MICAL3: variants seen among roughly 807,000 people sequenced by gnomAD.
The protein encoded by MICAL3 is microtubule associated monooxygenase, calponin and LIM domain containing 3, also known as [F-actin]-monooxygenase MICAL3.
MICAL3 carries 62 observed loss-of-function variants against 207.4 expected under a neutral mutation model. The observed-to-expected ratio is 0.30, with a 90% CI of 0.24 to 0.37. The LOEUF is 0.37. Among genes scored for constraint, MICAL3 ranks in the 10% least tolerant of loss-of-function variants. The pLI, the probability that MICAL3 is intolerant of heterozygous loss-of-function variation, is 1.00. For synonymous variants in MICAL3, 1,077 were observed against 1,069.3 expected, an observed-to-expected ratio of 1.01 and a Z score of -0.14; for missense variants, 2,368 against 2,635.6, an observed-to-expected ratio of 0.90 and a Z score of 2.22.
chr22:17,845,819 G>GT (rs1924577506), intron 19 of MICAL3, among the ~76,000 whole-genome samples: 1 of 152,184 alleles, frequency 6.6e-6, no homozygotes, highest in Non-Finnish European at 1.5e-5. Context: ...CCTCCCCACT[G>GT]TAATTTTCTA....
intron 17 of MICAL3, among the ~76,000 whole-genome samples, chr22:17,867,998 A>G (rs1381300566): frequency 6.6e-6 from 1 of 152,212 alleles, no homozygotes. Context: ...TCCTAAACTA[A>G]TAAAGAAAAG....
intron 1 of MICAL3, among the ~76,000 whole-genome samples, chr22:17,974,130 G>C (rs539804483): frequency 6.6e-6 from 1 of 152,248 alleles, no homozygotes; most frequent in East Asian, 1.9e-4. Flanking sequence ...CTGGCTCCCA[G>C]GGTGAACACA....
intron 3 of MICAL3, among the ~76,000 whole-genome samples, 163 bp downstream of exon 3, chr22:17,904,469 G>A (rs1221024250): frequency 6.6e-6 from 1 of 152,228 alleles, no homozygotes; most frequent in African/African-American, 2.4e-5. Context: ...CATAGCAGGT[G>A]TTTTTACTTC....
chr22:17,935,159 C>T (rs1035350740), intron 1 of MICAL3, among the ~76,000 whole-genome samples: 3 of 152,110 alleles, frequency 2.0e-5, no homozygotes, highest in South Asian at 2.1e-4. Context: ...GGAGGGATCA[C>T]GCTATCTGAC....
intron 19 of MICAL3, chr22:17,862,219 A>G (rs549927518): frequency 1.0e-6 from 1 of 985,148 alleles, no homozygotes; most frequent in Non-Finnish European, 1.2e-6. Flanking sequence ...TCTCTACAAC[A>G]TACATTCTGG....
chr22:17,792,887 C>A (rs1034201250), intron 29 of MICAL3, among the ~76,000 whole-genome samples: 15 of 152,236 alleles, frequency 9.9e-5, no homozygotes, highest in Non-Finnish European at 2.2e-4. Flanking sequence ...TTTAAGCCAG[C>A]CCCCACTCAG....
intron 1 of MICAL3, among the ~76,000 whole-genome samples, chr22:17,956,712 G>A (rs117031826): frequency 6.6e-5 from 10 of 152,296 alleles, no homozygotes; most frequent in African/African-American, 9.6e-5. Context: ...GGAGAGCTGC[G>A]AGGACAGCCA....
At chr22:17,866,058 G>T in intron 17 of MICAL3, 46 bp from the exon 18 acceptor site, 1 of 1,402,872 alleles carries the variant, frequency 7.1e-7, no homozygotes, top group Non-Finnish European at 1.0e-6. Context: ...GCCAGGCACG[G>T]ATCCTGAACG....
chr22:17,904,777 C>G lies in MICAL3; in HGVS notation c.327G>C (p.Gly109=), dbSNP rs1931596137. The G allele has an allele frequency of 3.1e-6, 5 of 1,613,860 alleles. No individual in the cohort carries two copies. The African/African-American group carries it at 6.7e-5, about 22-fold the overall frequency. Reference sequence around the variant, plus strand: ...GTTTCTCAATAACAACCACCTTGGCCCCCAGTAAGGATAAGTCGATGGCTG... The same window carrying G: ...GTTTCTCAATAACAACCACCTTGGCGCCCAGTAAGGATAAGTCGATGGCTG... The part of the protein sequence containing the change: ...LRTAIDLSLL[G]AKVVVIEKRD... Residue 109 remains glycine (G), a synonymous_variant, in exon 3 of 32, where the codon GGG becomes GGC. Transcript: ENST00000441493.
chr22:17,992,292 C>G (rs1234956895), intron 1 of MICAL3, among the ~76,000 whole-genome samples: 2 of 152,192 alleles, frequency 1.3e-5, no homozygotes, highest in Non-Finnish European at 1.5e-5. Context: ...TTGCAAAACA[C>G]AAACATTCCA....
intron 1 of MICAL3, among the ~76,000 whole-genome samples, chr22:17,992,006 C>T (rs1379168257): frequency 6.6e-6 from 1 of 152,146 alleles, no homozygotes; most frequent in Non-Finnish European, 1.5e-5. Context: ...ATGGATGAGG[C>T]GCCTCCATGC....
intron 1 of MICAL3, among the ~76,000 whole-genome samples, chr22:18,007,878 G>A (rs1210180399): frequency 1.7e-5 from 2 of 118,196 alleles, no homozygotes; most frequent in African/African-American, 3.4e-5. Flanking sequence ...AGCCGAGATC[G>A]CACCACTGCA....
At chr22:17,875,048 T>C (rs1928145128) in intron 16 of MICAL3, among the ~76,000 whole-genome samples, 1 of 152,248 alleles carries the variant, frequency 6.6e-6, no homozygotes. Context: ...GAATACCGCA[T>C]CATCACCCCT....
intron 21 of MICAL3, among the ~76,000 whole-genome samples, chr22:17,828,876 G>C (rs1173198277): frequency 6.6e-6 from 1 of 152,208 alleles, no homozygotes; most frequent in Non-Finnish European, 1.5e-5. Flanking sequence ...TGCCTCCTCT[G>C]AGTCTAACCA....
intron 1 of MICAL3, among the ~76,000 whole-genome samples, chr22:17,995,739 C>A (rs1381990939): frequency 6.6e-6 from 1 of 151,952 alleles, no homozygotes; most frequent in East Asian, 1.9e-4. Flanking sequence ...GAACTCCTCA[C>A]CTCAGGTGAT....
At chr22:17,860,452 G>A (rs1347894260) in intron 19 of MICAL3, 3 of 985,340 alleles carry the variant, frequency 3.0e-6, no homozygotes, top group Non-Finnish European at 3.6e-6. Context: ...CTGGCTGTCC[G>A]CCCCTCCCGC....
At chr22:17,863,781 A>G in intron 19 of MICAL3, 1 of 985,364 alleles carries the variant, frequency 1.0e-6, no homozygotes. Flanking sequence ...AAAGGATGCA[A>G]CTCTGGGAAC....
intron 27 of MICAL3, chr22:17,813,635 G>A (rs1389429546): frequency 6.6e-6 from 1 of 152,222 alleles, no homozygotes; most frequent in Non-Finnish European, 1.5e-5. Context: ...ACACCCTAAG[G>A]AACAGCACTA....
intron 20 of MICAL3, among the ~76,000 whole-genome samples, chr22:17,839,153 T>C (rs554285922): frequency 1.3e-5 from 2 of 151,644 alleles, no homozygotes; most frequent in Admixed American, 1.3e-4. Context: ...GGTTTCATCA[T>C]GTTACTGCTG....
Sources: allele counts gnomAD v4.1 joint callset (sites outside exome capture counted in the v4.1 genomes callset), GRCh38; gene constraint gnomAD v4.1.1; transcripts MANE v1.5; gene names NCBI Gene and HGNC (gene_info 2026-07-23, HGNC 2026-07-21).